The following NEB variants were observed in gnomAD, a reference collection of about 807,000 sequenced individuals.
NEB encodes nebulin.
Under a neutral mutation model 952.2 loss-of-function variants are expected in NEB, and 512 were observed. That is an observed-to-expected ratio of 0.54 (90% CI 0.50 to 0.58). The LOEUF (loss-of-function observed/expected upper bound fraction) is 0.58. Among genes scored for constraint, NEB ranks in the 20% least tolerant of loss-of-function variants. The pLI, the probability that NEB is intolerant of heterozygous loss-of-function variation, is 0.00. For synonymous variants in NEB, 2,900 were observed against 3,149.8 expected (o/e 0.92, Z 2.66); for missense variants, 8,428 against 9,231.1 (o/e 0.91, Z 3.56).
chr2:151,680,901 T>G, intron 29 of NEB, 73 bp from the exon 30 acceptor site: 1 of 1,226,150 alleles, frequency 8.2e-7, no homozygotes, highest in Non-Finnish European at 1.2e-6. Flanking sequence ...ATCCTTGAAA[T>G]TTATTTTGAA....
chr2:151,541,405 C>T, intron 136 of NEB, 42 bp downstream of exon 136: 2 of 1,495,470 alleles, frequency 1.3e-6, no homozygotes, highest in Non-Finnish European at 1.8e-6. Flanking sequence ...TAATCACCCC[C>T]TGTGATGCCT....
intron 54 of NEB, among the ~76,000 whole-genome samples, chr2:151,648,290 CT>C (rs1202121180): frequency 6.6e-6 from 1 of 152,078 alleles, no homozygotes; most frequent in East Asian, 1.9e-4. Flanking sequence ...TGGCACTTTT[CT>C]TTTTCCTGCA....
intron 169 of NEB, among the ~76,000 whole-genome samples, 192 bp downstream of exon 169, chr2:151,499,106 T>TTAAG (rs946116654): frequency 2.0e-5 from 3 of 152,254 alleles, no homozygotes; most frequent in South Asian, 2.1e-4. Context: ...ACTTTTTTTA[T>TTAAG]TAAGTTAAAT....
chr2:151,512,580 C>T (rs1170480485), intron 161 of NEB, among the ~76,000 whole-genome samples, 153 bp downstream of exon 161: 1 of 152,212 alleles, frequency 6.6e-6, no homozygotes, highest in East Asian at 1.9e-4. Context: ...TCCCAAAGTG[C>T]TGGGAATACA....
At chr2:151,609,767 A>G (rs780540132) in intron 81 of NEB, 42 bp downstream of exon 81, 8 of 1,522,256 alleles carry the variant, frequency 5.3e-6, no homozygotes, top group Admixed American at 2.0e-5. Flanking sequence ...GAACAAATCT[A>G]CATCTTCCCC....
intron 71 of NEB, 45 bp downstream of exon 71, chr2:151,625,489 A>T (rs898823351): frequency 2.9e-6 from 4 of 1,400,020 alleles, no homozygotes; most frequent in African/African-American, 2.8e-5. Context: ...TACATCGGCA[A>T]CAATCAATGT....
intron 12 of NEB, among the ~76,000 whole-genome samples, chr2:151,709,390 T>C (rs189628263): frequency 1.3e-5 from 2 of 152,182 alleles, no homozygotes; most frequent in Non-Finnish European, 2.9e-5. Context: ...TTAGGAAATA[T>C]TGAAGATGGT....
Position 151,717,456 on chromosome 2 carries a change from T to A in NEB, c.782A>T (p.Asp261Val), listed in dbSNP as rs751699429. The change falls in exon 10 of 182, where the codon GAT becomes GTT. Residue 261 changes from aspartate to valine, a missense_variant. Around this residue, in one of 11 missense-constraint regions of NEB, gnomAD observed 2,851 missense variants for 2,791.5 expected, o/e 1.02. Coordinates refer to ENST00000397345, the MANE Select transcript of NEB (RefSeq NM_001164508.2). ...AQFTPLADPP[D>V]IEFAKKVTNQ... ...GGTTACTTTCTTGGCAAATTCTATA[T>A]CTGGAGGATCAGCCAGAGGCGTGAA... is the stretch of plus-strand genomic sequence containing the variant. The A allele has an allele frequency of 6.2e-7, 1 of 1,613,938 alleles. No individual in the cohort carries two copies. The highest frequency in any genetic ancestry group is 8.5e-7 in the Non-Finnish European group (1 of 1,179,814).
Position 151,666,086 on chromosome 2 carries a change from A to C in NEB, c.5031+4T>G. ...TGGATAACAACTTGGTAACCAGTACATACATCACTCTGAATCTGCATGGCA... is the reference window on the plus strand; with the variant it reads ...TGGATAACAACTTGGTAACCAGTACCTACATCACTCTGAATCTGCATGGCA... On this transcript the variant is annotated splice_donor_region_variant and intron_variant, in intron 41 of 181. Coordinates refer to ENST00000397345, the MANE Select transcript of NEB (RefSeq NM_001164508.2). The C allele has an allele frequency of 6.2e-7, 1 of 1,609,550 alleles. No individual in the cohort carries two copies. The highest frequency in any genetic ancestry group is 8.5e-7 in the Non-Finnish European group (1 of 1,177,010).
At chr2:151,536,461 AAG>A (rs2093222368) in intron 141 of NEB, among the ~76,000 whole-genome samples, 1 of 152,176 alleles carries the variant, frequency 6.6e-6, no homozygotes, top group Non-Finnish European at 1.5e-5. Context: ...CATTAATTTG[AAG>A]AGTTTTCCAG....
Position 151,692,109 on chromosome 2 carries a change from C to T in NEB, c.2056G>A (p.Glu686Lys). 6 of 1,613,956 alleles carry T rather than the reference C, an allele frequency of 3.7e-6. No homozygotes were observed. The highest frequency in any genetic ancestry group is 5.1e-6 in the Non-Finnish European group (6 of 1,179,864). Residue 686 changes from glutamate to lysine, a missense_variant, in exon 22 of 182, where the codon GAG becomes AAG. Physicochemically the swap from Glu to Lys is moderately conservative, Grantham distance 56. Around this residue, in one of 11 missense-constraint regions of NEB, gnomAD observed 2,851 missense variants for 2,791.5 expected, o/e 1.02. Coordinates refer to ENST00000397345, the MANE Select transcript of NEB (RefSeq NM_001164508.2). ...ATGCAGTGTGTGTGATATGGGTCCTCCATGCTGCCTACATAATGTCCCAAA... is the reference window on the plus strand; with the variant it reads ...ATGCAGTGTGTGTGATATGGGTCCTTCATGCTGCCTACATAATGTCCCAAA... Reference protein sequence around the residue: ...DVLGHYVGSMEDPYHTHCMKV... With the variant: ...DVLGHYVGSMKDPYHTHCMKV...
intron 72 of NEB, 127 bp downstream of exon 72, chr2:151,620,792 T>A (rs2098400174): frequency 1.5e-6 from 1 of 663,554 alleles, no homozygotes; most frequent in African/African-American, 1.8e-5. Flanking sequence ...TATCTGTATC[T>A]CAACCCTCAG....
intron 68 of NEB, among the ~76,000 whole-genome samples, chr2:151,628,689 A>AAAATACT (rs1381854856): frequency 2.5e-3 from 382 of 152,190 alleles, no homozygotes; most frequent in Admixed American, 4.8e-3. Flanking sequence ...AAAAATACAA[A>AAAATACT]AAATACTAAA....
At chr2:151,569,205 G>T in intron 110 of NEB, 63 bp downstream of exon 110, 1 of 1,302,094 alleles carries the variant, frequency 7.7e-7, no homozygotes, top group Non-Finnish European at 1.1e-6. Context: ...CTATATTTTA[G>T]CTTGTGCATT....
rs574146967 is a variant in NEB, at chr2:151,514,820, C to T, written c.23014G>A (p.Glu7672Lys). Reference protein sequence around the residue: ...HVKYATKIASEKEYRKDLEES... With the variant: ...HVKYATKIASKKEYRKDLEES... ...AGAAAAGACCAAGTGGGCACTACCT[C>T]GCTTGCTATTTTAGTTGCATATTTG... Residue 7672 changes from glutamate (E) to lysine (K), a missense_variant and splice_region_variant, in exon 158 of 182, where the codon GAG becomes AAG. Transcript: ENST00000397345. The T allele has an allele frequency of 2.8e-5, 43 of 1,563,226 alleles. No homozygotes were observed. Among genetic ancestry groups the T allele is most frequent in the East Asian group, 9.3e-5 (4 of 42,944 alleles).
rs949086164 is a variant in NEB at position 151,610,094 on chromosome 2, T to C, written c.12045A>G (p.Lys4015=). The change falls in exon 81 of 182, where the codon AAA becomes AAG. Residue 4015 remains lysine, a synonymous_variant. Transcript: ENST00000397345. ...GGGCTCCAATGTGGTGGCCTTTCTGTTTCTCATAGGCTTCCTTGTATTTGT... is the reference window on the plus strand; with the variant it reads ...GGGCTCCAATGTGGTGGCCTTTCTGCTTCTCATAGGCTTCCTTGTATTTGT... ...SDYKYKEAYE[K]QKGHHIGAQS... is the part of the protein sequence containing the mutation. 2 of 1,612,720 alleles carry C rather than the reference T, an allele frequency of 1.2e-6. No homozygotes were observed. Among genetic ancestry groups the C allele is most frequent in the Non-Finnish European group, 8.5e-7 (1 of 1,179,350 alleles).
chr2:151,631,030 A>T, intron 66 of NEB, 113 bp downstream of exon 66: 2 of 1,395,562 alleles, frequency 1.4e-6, no homozygotes, highest in Non-Finnish European at 2.0e-6. Context: ...CATGTAATTT[A>T]AAAGGTAAAA....
Position 151,640,458 on chromosome 2 carries a change from A to G in NEB, c.8582T>C (p.Leu2861Ser), listed in dbSNP as rs529735446. The change falls in exon 61 of 182, where the codon TTA (leucine) becomes TCA (serine). Residue 2861 changes from leucine to serine, a missense_variant. Leu to Ser is a moderately radical substitution (Grantham distance 145). This residue lies in a region of NEB where 1,772 missense variants were observed against 1,960.3 expected (regional missense o/e 0.90). Transcript: ENST00000397345. The stretch of plus-strand genomic sequence containing the variant: ...GTTCTTGTAGTCCACATCGCTGACT[A>G]AGGTCTGGCACTTCTTGGCCAGCAC... ...GVVLAKKCQTLVSDVDYKNYL... is the reference protein window; with the variant it reads ...GVVLAKKCQTSVSDVDYKNYL... 24 of 1,613,912 alleles carry G rather than the reference A, an allele frequency of 1.5e-5. No homozygotes were observed. The African/African-American group carries it at 2.3e-4, about 15-fold the overall frequency.
chr2:151,684,769 G>A lies in NEB; in HGVS notation c.2835+9C>T. On this transcript the variant is annotated intron_variant, in intron 28 of 181. Transcript: ENST00000397345. ...TAAAAGAGGGGCTACAGAAACCCTG[G>A]TTACTCACATCGCTCTGCAGCGCAT... 6.4e-7 allele frequency: 1 copy of A among 1,559,836 alleles called. No individual in the cohort carries two copies. The highest frequency in any genetic ancestry group is 8.7e-7 in the Non-Finnish European group (1 of 1,154,102).
Sources: gnomAD v4.1 joint callset for allele counts (sites outside exome capture counted in the v4.1 genomes callset) on GRCh38, gnomAD v4.1.1 for gene constraint, gnomAD v4.1.1 regional missense constraint, MANE v1.5 for transcripts, NCBI Gene and HGNC (gene_info 2026-07-23, HGNC 2026-07-21) for gene names.